Variants in TBCK observed in about 807,000 individuals in gnomAD.
TBCK encodes TBC1 domain containing kinase, also known as TBC domain-containing protein kinase-like protein.
TBCK carries 99 observed loss-of-function variants against 113.4 expected under a neutral mutation model. The ratio of observed to expected loss-of-function variants is 0.87; its 90% CI spans 0.74 to 1.03. The LOEUF (loss-of-function observed/expected upper bound fraction) is 1.03, where lower values mean the gene tolerates loss of function less well. Ranked by LOEUF, TBCK falls within the 50% of genes least tolerant of loss-of-function variation. The probability of loss-of-function intolerance (pLI) is 0.00; values close to 1 mark genes in which losing one functional copy is unlikely to be tolerated. For missense variants in TBCK, 1,045 were observed against 1,061.3 expected (o/e 0.98, Z 0.21); for synonymous variants, 369 against 370.8 (o/e 1.00, Z 0.05).
chr4:106,289,074 A>C (rs1439211143), intron 3 of TBCK, among the ~76,000 whole-genome samples: 1 of 152,232 alleles, frequency 6.6e-6, no homozygotes, highest in African/African-American at 2.4e-5. Flanking sequence ...AGAATTATCA[A>C]TCTGTACCAT....
intron 25 of TBCK, among the ~76,000 whole-genome samples, chr4:106,061,667 A>AGTGTGT (rs61139916): frequency 3.1e-4 from 46 of 148,410 alleles, no homozygotes; most frequent in Admixed American, 5.4e-4. Context: ...TGTTTCTGTG[A>AGTGTGT]GTGTGTGTGT....
At chr4:106,178,509 G>A in intron 22 of TBCK, among the ~76,000 whole-genome samples, 1 of 151,890 alleles carries the variant, frequency 6.6e-6, no homozygotes, top group Admixed American at 6.6e-5. Context: ...AGTTCTTTGA[G>A]AATTTTTATC....
intron 2 of TBCK, among the ~76,000 whole-genome samples, chr4:106,298,779 G>A (rs758787392): frequency 3.3e-5 from 5 of 152,142 alleles, no homozygotes; most frequent in African/African-American, 4.8e-5. Context: ...TTGCTCTCAC[G>A]CCTCAAACTA....
intron 22 of TBCK, among the ~76,000 whole-genome samples, chr4:106,192,942 T>C (rs1753817713): frequency 6.6e-6 from 1 of 152,110 alleles, no homozygotes; most frequent in South Asian, 2.1e-4. Context: ...AAACTGAAGT[T>C]TCTGCAAAAA....
intron 3 of TBCK, among the ~76,000 whole-genome samples, chr4:106,292,495 G>A (rs550462045): frequency 3.3e-5 from 5 of 151,874 alleles, no homozygotes; most frequent in Non-Finnish European, 5.9e-5. Context: ...GCATGAACCC[G>A]GGAGGAGGAG....
At chr4:106,068,628 T>C (rs1192315189) in intron 25 of TBCK, among the ~76,000 whole-genome samples, 2 of 152,230 alleles carry the variant, frequency 1.3e-5, no homozygotes, top group African/African-American at 2.4e-5. Context: ...TGCATCTTTA[T>C]AGTAGCATGA....
chr4:106,304,805 C>A (rs1767331652), intron 2 of TBCK, among the ~76,000 whole-genome samples: 1 of 152,114 alleles, frequency 6.6e-6, no homozygotes, highest in African/African-American at 2.4e-5. Context: ...TTGATAAATT[C>A]CATTTGGAAA....
intron 19 of TBCK, among the ~76,000 whole-genome samples, chr4:106,216,808 T>C (rs1489236187): frequency 6.6e-6 from 1 of 150,648 alleles, no homozygotes; most frequent in Non-Finnish European, 1.5e-5. Context: ...ACTGGTACCA[T>C]TCCTTCTGAA....
chr4:106,208,151 T>A (rs1374707302), intron 20 of TBCK, among the ~76,000 whole-genome samples: 1 of 152,120 alleles, frequency 6.6e-6, no homozygotes. Context: ...CTAATCACAC[T>A]ACCATTGATA....
At chr4:106,158,132 A>G (rs142539888) in intron 23 of TBCK, among the ~76,000 whole-genome samples, 30 of 152,322 alleles carry the variant, frequency 2.0e-4, no homozygotes, top group African/African-American at 6.3e-4. Flanking sequence ...AGAAGTTTGA[A>G]TTTTATTGTC....
Position 106,163,513 on chromosome 4 carries a change from T to C in TBCK, c.2235+7582A>G, listed in dbSNP as rs1013449455. 3 of 152,172 alleles carry C rather than the reference T, an allele frequency of 2.0e-5. No homozygotes were observed. In the East Asian group the frequency reaches 5.8e-4, roughly 29 times the overall value. The allele number at this position is 152,172 out of a possible 1,614,324, so 9.4% of individuals were successfully genotyped here. ...TGTTCTCATACTGCTCATAAAGACA[T>C]ACCCCAAACTGGGTAATTTATAAAG... On this transcript the variant is annotated intron_variant, in intron 23 of 25. Coordinates refer to ENST00000394708, the MANE Select transcript of TBCK (RefSeq NM_001163435.3).
intron 3 of TBCK, among the ~76,000 whole-genome samples, chr4:106,285,633 T>C (rs746505698): frequency 6.6e-6 from 1 of 152,184 alleles, no homozygotes; most frequent in Non-Finnish European, 1.5e-5. Context: ...GTAAGATATA[T>C]GCTTTGAATG....
At chr4:106,232,156 T>C (rs1758928867) in intron 17 of TBCK, among the ~76,000 whole-genome samples, 1 of 151,858 alleles carries the variant, frequency 6.6e-6, no homozygotes, top group Non-Finnish European at 1.5e-5. Context: ...TTTGCCTATG[T>C]TGTTTTTCTT....
chr4:106,173,168 G>C (rs7676600), intron 22 of TBCK, among the ~76,000 whole-genome samples: 6,874 of 152,154 alleles, frequency 0.045, 516 homozygotes, highest in African/African-American at 0.16. Context: ...AACAAGCTTT[G>C]AGGCATGGGC....
At chr4:106,312,905 GAT>G (rs1768350783) in intron 1 of TBCK, among the ~76,000 whole-genome samples, 2 of 152,160 alleles carry the variant, frequency 1.3e-5, no homozygotes, top group Admixed American at 6.5e-5. Context: ...AAAATCAGAA[GAT>G]AGTACTGTAG....
At chr4:106,230,540 T>A in intron 18 of TBCK, 94 bp from the exon 19 acceptor site, 1 of 565,806 alleles carries the variant, frequency 1.8e-6, no homozygotes, top group Non-Finnish European at 2.9e-6. Flanking sequence ...TCCTTGAAAC[T>A]ACTATTAAAT....
At chr4:106,314,686 A>G (rs1321145530) in intron 1 of TBCK, among the ~76,000 whole-genome samples, 2 of 133,072 alleles carry the variant, frequency 1.5e-5, no homozygotes, top group African/African-American at 5.9e-5. Context: ...GTGCAGTGGC[A>G]TGATCTCGGC....
At chr4:106,280,032 C>T (rs1448000235) in intron 3 of TBCK, among the ~76,000 whole-genome samples, 2 of 152,098 alleles carry the variant, frequency 1.3e-5, no homozygotes, top group Non-Finnish European at 2.9e-5. Flanking sequence ...AGCAGTTATA[C>T]GAATTTACAT....
intron 24 of TBCK, among the ~76,000 whole-genome samples, chr4:106,097,684 C>G (rs1273477007): frequency 6.6e-6 from 1 of 152,034 alleles, no homozygotes; most frequent in Non-Finnish European, 1.5e-5. Context: ...ACACAGACAG[C>G]ATTAGGTGAA....
Sources: allele counts gnomAD v4.1 joint callset (sites outside exome capture counted in the v4.1 genomes callset), GRCh38; gene constraint gnomAD v4.1.1; transcripts MANE v1.5; gene names NCBI Gene and HGNC (gene_info 2026-07-23, HGNC 2026-07-21).